The following JAK2 variants were observed in gnomAD, a reference collection of about 807,000 sequenced individuals.
JAK2 encodes the protein Janus kinase 2, also known as tyrosine-protein kinase JAK2.
In JAK2, 86 loss-of-function variants were observed where a neutral mutation model predicts 139.3. The ratio of observed to expected loss-of-function variants is 0.62; its 90% CI spans 0.52 to 0.74. The LOEUF (loss-of-function observed/expected upper bound fraction) is 0.74. Ranked by LOEUF, JAK2 falls within the 30% of genes least tolerant of loss-of-function variation. JAK2 has a pLI of 0.00. For synonymous variants in JAK2, 490 were observed against 437.7 expected (o/e 1.12, Z -1.49); for missense variants, 1,421 against 1,360.3 (o/e 1.04, Z -0.70).
intron 23 of JAK2, among the ~76,000 whole-genome samples, chr9:5,123,995 A>C (rs377070682): frequency 6.6e-6 from 1 of 150,668 alleles, no homozygotes; most frequent in East Asian, 1.9e-4. Context: ...GCCTCTTGTC[A>C]GTTTGGGTGT....
At chr9:5,018,242 T>G (rs1351709542) in intron 2 of JAK2, among the ~76,000 whole-genome samples, 1 of 152,234 alleles carries the variant, frequency 6.6e-6, no homozygotes, top group Non-Finnish European at 1.5e-5. Context: ...TTTGAATCCT[T>G]TCTTGTCTGT....
At chr9:4,988,163 C>T (rs1820069049) in intron 2 of JAK2, among the ~76,000 whole-genome samples, 1 of 152,188 alleles carries the variant, frequency 6.6e-6, no homozygotes, top group African/African-American at 2.4e-5. Context: ...CCACCCTTCC[C>T]CACTCCCTTT....
chr9:5,126,536 C>CG lies in JAK2; in HGVS notation c.3291+92dup. On this transcript the variant is annotated intron_variant, in intron 24 of 24. Coordinates refer to ENST00000381652, the MANE Select transcript of JAK2 (RefSeq NM_004972.4). Reference sequence around the variant, plus strand: ...AGTTCACTTCCTGAAATTTAATGTGCGGAGCTTCCAGATAAACAGCATAAT... The same window carrying CG: ...AGTTCACTTCCTGAAATTTAATGTGCGGGAGCTTCCAGATAAACAGCATAAT... 3.0e-6 allele frequency: 3 copies of CG among 991,608 alleles called. No individual in the cohort carries two copies. The East Asian group carries it at 7.6e-5, about 25-fold the overall frequency. The allele number at this position is 991,608 out of a possible 1,614,324, so 61.4% of individuals were successfully genotyped here. A position where few individuals can be genotyped will look rare whatever the true frequency, so the allele number is the denominator to read the frequency against.
chr9:5,094,858 C>T (rs915238916), intron 22 of JAK2: 1 of 152,028 alleles, frequency 6.6e-6, no homozygotes, highest in Non-Finnish European at 1.5e-5. Flanking sequence ...TTACCAAGAC[C>T]CTCCTTTTAA....
intron 4 of JAK2, among the ~76,000 whole-genome samples, chr9:5,035,393 A>C (rs923144772): frequency 3.9e-5 from 6 of 152,238 alleles, no homozygotes; most frequent in African/African-American, 1.4e-4. Flanking sequence ...TGAGGCCAGC[A>C]TCATCCTGAT....
chr9:5,060,975 A>T (rs1480115457), intron 8 of JAK2, among the ~76,000 whole-genome samples: 2 of 152,234 alleles, frequency 1.3e-5, no homozygotes, highest in East Asian at 3.8e-4. Context: ...ATCCTTGTAC[A>T]TCTCTGTCAG....
At chr9:5,111,972 G>A in intron 22 of JAK2, 3 of 352,270 alleles carry the variant, frequency 8.5e-6, no homozygotes, top group Admixed American at 7.1e-5. Context: ...CTCCACCGCC[G>A]TGGGCTCCCC....
intron 13 of JAK2, among the ~76,000 whole-genome samples, chr9:5,073,263 T>TA (rs1455600566): frequency 1.3e-5 from 2 of 152,216 alleles, no homozygotes; most frequent in Non-Finnish European, 2.9e-5. Flanking sequence ...ATGTTAAAAC[T>TA]ATGCTAGTAT....
At position 5,128,648 on chromosome 9, in the gene JAK2, C is replaced by T. The variant is rs902187258; in HGVS notation, c.*1857C>T. On this transcript the variant is annotated 3_prime_UTR_variant, in exon 25 of 25. Coordinates refer to ENST00000381652, the MANE Select transcript of JAK2 (RefSeq NM_004972.4). ...CATCTTTTAGTTTTATATAAAGAATCCCACATGTACATTCTTGTTTTTAGA... is the reference window on the plus strand; with the variant it reads ...CATCTTTTAGTTTTATATAAAGAATTCCACATGTACATTCTTGTTTTTAGA... 4.0e-5 allele frequency among the ~76,000 whole-genome samples: 6 copies of T among 151,810 alleles called. No homozygotes were observed. The highest frequency in any genetic ancestry group is 8.9e-5 in the Non-Finnish European group (6 of 67,784).
intron 8 of JAK2, among the ~76,000 whole-genome samples, chr9:5,056,368 T>G (rs1297737481): frequency 2.6e-5 from 4 of 152,128 alleles, no homozygotes; most frequent in Non-Finnish European, 5.9e-5. Flanking sequence ...CTCATTTATC[T>G]TCTCTGTCTT....
intron 19 of JAK2, among the ~76,000 whole-genome samples, chr9:5,084,049 G>T (rs7857730): frequency 0.62 from 94,177 of 151,896 alleles, 31,025 homozygotes; most frequent in African/African-American, 0.86. Context: ...TTGAGTTAAT[G>T]TTCTTTTGCT....
intron 6 of JAK2, among the ~76,000 whole-genome samples, chr9:5,052,445 T>G (rs1250040458): frequency 2.0e-5 from 3 of 152,092 alleles, no homozygotes; most frequent in Admixed American, 2.0e-4. Flanking sequence ...AGTGTAGATA[T>G]TAAACATTCA....
chr9:5,041,419 C>T (rs1816499512), intron 4 of JAK2: 4 of 627,598 alleles, frequency 6.4e-6, no homozygotes, highest in Non-Finnish European at 1.2e-5. Flanking sequence ...TGCTGGGCCA[C>T]ATGTTCATGT....
chr9:5,056,507 G>T (rs1261652452), intron 8 of JAK2, among the ~76,000 whole-genome samples: 2 of 151,938 alleles, frequency 1.3e-5, no homozygotes, highest in Non-Finnish European at 2.9e-5. Flanking sequence ...TACCAAAATT[G>T]TAACTAACTT....
chr9:5,039,733 C>A lies in JAK2; in HGVS notation c.351-4670C>A, dbSNP rs112257339. Among the ~76,000 whole-genome samples the A allele has an allele frequency of 7.6e-3, 1,155 of 151,958 alleles. 12 individuals carry two copies. Among genetic ancestry groups the A allele is most frequent in the African/African-American group, 0.026 (1,071 of 41,470 alleles). On this transcript the variant is annotated intron_variant, in intron 4 of 24. Coordinates refer to ENST00000381652, the MANE Select transcript of JAK2 (RefSeq NM_004972.4). ...AATGAAATTAAAAAAATTTCATTAA[C>A]AATAGCATAACAAATTTTTAGGAAT...
At chr9:4,990,786 A>G (rs1018659098) in intron 2 of JAK2, among the ~76,000 whole-genome samples, 2 of 152,216 alleles carry the variant, frequency 1.3e-5, no homozygotes, top group African/African-American at 2.4e-5. Flanking sequence ...TACTTTCCCT[A>G]CGTGGAAATA....
intron 19 of JAK2, chr9:5,085,235 C>A (rs1819993291): frequency 1.2e-5 from 8 of 671,282 alleles, no homozygotes; most frequent in Non-Finnish European, 1.7e-5. Context: ...GCAAATAGGA[C>A]AGGACCAGTG....
chr9:5,020,855 G>C (rs528424626), intron 2 of JAK2, among the ~76,000 whole-genome samples: 1 of 152,136 alleles, frequency 6.6e-6, no homozygotes, highest in South Asian at 2.1e-4. Context: ...GATATGCAGG[G>C]GCTGTTGGGC....
rs368263613 is a variant in JAK2 at position 5,081,041 on chromosome 9, G to A, written c.2434+358G>A. On this transcript the variant is annotated intron_variant, in intron 18 of 24. Transcript: ENST00000381652. ...CTCCTGAGTAGCTGGGACTACAGGC[G>A]CCCGCCACCACACCCGGCTAATTTT... is the stretch of plus-strand genomic sequence containing the variant. 3.5e-3 allele frequency among the ~76,000 whole-genome samples: 524 copies of A among 151,066 alleles called. 1 individual carries two copies. Among genetic ancestry groups the A allele is most frequent in the Non-Finnish European group, 6.3e-3 (429 of 67,680 alleles).
Sources: allele counts gnomAD v4.1 joint callset (sites outside exome capture counted in the v4.1 genomes callset), GRCh38; gene constraint gnomAD v4.1.1; transcripts MANE v1.5; gene names NCBI Gene and HGNC (gene_info 2026-07-23, HGNC 2026-07-21).